ZNF423: variants seen among roughly 807,000 people sequenced by gnomAD.
ZNF423 encodes the protein Ebf-associated zinc finger protein.
ZNF423 carries 12 observed loss-of-function variants against 95.8 expected under a neutral mutation model. That is an observed-to-expected ratio of 0.13 (90% CI 0.08 to 0.20). The LOEUF is 0.20. Ranked by LOEUF, ZNF423 falls within the 10% of genes least tolerant of loss-of-function variation. ZNF423 has a pLI of 1.00. For synonymous variants in ZNF423, 749 were observed against 711.9 expected (o/e 1.05, Z -0.83); for missense variants, 1,316 against 1,737.1 (o/e 0.76, Z 4.31).
At chr16:49,809,163 C>T (rs926061144) in intron 1 of ZNF423, among the ~76,000 whole-genome samples, 4 of 152,232 alleles carry the variant, frequency 2.6e-5, no homozygotes, top group Admixed American at 2.6e-4. Context: ...CTTTCTGCTT[C>T]GAATGGCGGA....
chr16:49,803,673 C>T (rs1399635969), intron 1 of ZNF423, among the ~76,000 whole-genome samples: 2 of 152,176 alleles, frequency 1.3e-5, no homozygotes, highest in African/African-American at 2.4e-5. Context: ...TTACCCATCA[C>T]TGTGCCCCTT....
At chr16:49,586,289 A>G (rs1970832750) in intron 5 of ZNF423, among the ~76,000 whole-genome samples, 1 of 151,966 alleles carries the variant, frequency 6.6e-6, no homozygotes, top group African/African-American at 2.4e-5. Flanking sequence ...TCCTGTAACT[A>G]AACATTTTCC....
chr16:49,807,656 G>A (rs2034686682), intron 1 of ZNF423, among the ~76,000 whole-genome samples: 1 of 152,182 alleles, frequency 6.6e-6, no homozygotes, highest in African/African-American at 2.4e-5. Context: ...CCCACCGTGG[G>A]GAGCTTGCAT....
intron 1 of ZNF423, among the ~76,000 whole-genome samples, chr16:49,795,186 A>G (rs772453470): frequency 1.3e-5 from 2 of 152,166 alleles, no homozygotes; most frequent in Non-Finnish European, 2.9e-5. Context: ...TTTTTAATCA[A>G]TAAGCACACA....
At chr16:49,517,366 C>T (rs1968190052) in intron 7 of ZNF423, among the ~76,000 whole-genome samples, 2 of 152,344 alleles carry the variant, frequency 1.3e-5, no homozygotes, top group South Asian at 4.1e-4. Context: ...AAGAACCCCT[C>T]CAGGACCCAG....
At chr16:49,819,249 C>CA (rs34167954) in intron 1 of ZNF423, among the ~76,000 whole-genome samples, 14,085 of 72,678 alleles carry the variant, frequency 0.19, 1,832 homozygotes, top group Non-Finnish European at 0.24. Context: ...GATTCCGTCT[C>CA]AAAAAAAAAA....
At chr16:49,751,296 A>G (rs992755523) in intron 2 of ZNF423, among the ~76,000 whole-genome samples, 1 of 152,106 alleles carries the variant, frequency 6.6e-6, no homozygotes, top group Non-Finnish European at 1.5e-5. Context: ...ATCACAGCTC[A>G]CTGCAGCCTC....
At chr16:49,572,533 GAGCATAAGAT>G (rs2151788982) in intron 5 of ZNF423, among the ~76,000 whole-genome samples, 1 of 152,342 alleles carries the variant, frequency 6.6e-6, no homozygotes, top group East Asian at 1.9e-4. Flanking sequence ...CAAGCACAGA[GAGCATAAGAT>G]AGCTGAGCAA....
intron 5 of ZNF423, among the ~76,000 whole-genome samples, chr16:49,546,343 C>T (rs1969438640): frequency 6.6e-6 from 1 of 152,302 alleles, no homozygotes. Context: ...CACTTCCAAA[C>T]AGTACAAACG....
intron 3 of ZNF423, among the ~76,000 whole-genome samples, chr16:49,699,810 T>C (rs1329469245): frequency 6.6e-6 from 1 of 152,170 alleles, no homozygotes; most frequent in Non-Finnish European, 1.5e-5. Flanking sequence ...AAGTCTGTGT[T>C]CTTGGGAAGT....
At chr16:49,803,526 G>A (rs548529634) in intron 1 of ZNF423, among the ~76,000 whole-genome samples, 1 of 152,194 alleles carries the variant, frequency 6.6e-6, no homozygotes, top group African/African-American at 2.4e-5. Flanking sequence ...GGAGGCATTT[G>A]GCTATTTCCT....
chr16:49,682,832 T>C (rs1208126731), intron 3 of ZNF423, among the ~76,000 whole-genome samples: 1 of 152,226 alleles, frequency 6.6e-6, no homozygotes, highest in Non-Finnish European at 1.5e-5. Flanking sequence ...TTTGTCATGA[T>C]GGCAATTCTT....
intron 3 of ZNF423, among the ~76,000 whole-genome samples, chr16:49,656,145 G>C (rs551883255): frequency 6.6e-6 from 1 of 152,294 alleles, no homozygotes; most frequent in South Asian, 2.1e-4. Flanking sequence ...ACGGAGGACT[G>C]AATGCAGCTG....
intron 2 of ZNF423, 89 bp from the exon 3 acceptor site, chr16:49,731,060 T>C: frequency 3.5e-6 from 5 of 1,436,728 alleles, no homozygotes; most frequent in Non-Finnish European, 4.8e-6. Context: ...TTAAGATACA[T>C]TTAATTACTC....
chr16:49,712,760 G>A (rs1031203202), intron 3 of ZNF423, among the ~76,000 whole-genome samples: 3 of 152,248 alleles, frequency 2.0e-5, no homozygotes, highest in Non-Finnish European at 2.9e-5. Flanking sequence ...CGGGAGCGGC[G>A]CGATCCGCGA....
intron 2 of ZNF423, chr16:49,780,587 G>T (rs1422465210): frequency 2.6e-5 from 4 of 152,222 alleles, no homozygotes; most frequent in Non-Finnish European, 1.5e-5. Flanking sequence ...GTCACCACCT[G>T]ACGATTTCTG....
At chr16:49,833,571 C>T (rs1280641842) in intron 1 of ZNF423, among the ~76,000 whole-genome samples, 1 of 152,152 alleles carries the variant, frequency 6.6e-6, no homozygotes. Flanking sequence ...GATGTCCTGA[C>T]TTCGCTCCCA....
intron 1 of ZNF423, among the ~76,000 whole-genome samples, chr16:49,837,630 G>C (rs1481061628): frequency 1.3e-5 from 2 of 152,106 alleles, no homozygotes; most frequent in South Asian, 2.1e-4. Flanking sequence ...CCTTCCAGGA[G>C]AGCCTGCCAG....
intron 3 of ZNF423, among the ~76,000 whole-genome samples, chr16:49,666,543 T>C (rs1459543403): frequency 6.6e-6 from 1 of 152,210 alleles, no homozygotes; most frequent in Non-Finnish European, 1.5e-5. Context: ...CAGTTCTATA[T>C]ACACAGTCAC....
Sources: gnomAD v4.1 joint callset for allele counts (sites outside exome capture counted in the v4.1 genomes callset) on GRCh38, gnomAD v4.1.1 for gene constraint, MANE v1.5 for transcripts, NCBI Gene and HGNC (gene_info 2026-07-23, HGNC 2026-07-21) for gene names.